LMNTD1: variants seen among roughly 807,000 people sequenced by gnomAD.
LMNTD1 encodes the protein lamin tail domain-containing protein 1.
In LMNTD1, 35 loss-of-function variants were observed where a neutral mutation model predicts 50.9. That is an observed-to-expected ratio of 0.69 (90% confidence interval 0.53 to 0.91). The LOEUF (loss-of-function observed/expected upper bound fraction) is 0.91. Among genes scored for constraint, LMNTD1 ranks in the 40% least tolerant of loss-of-function variants. The pLI is 0.00. For synonymous variants in LMNTD1, 153 were observed against 161.9 expected, an observed-to-expected ratio of 0.94 and a Z score of 0.42; for missense variants, 470 against 475.5, an observed-to-expected ratio of 0.99 and a Z score of 0.11.
At chr12:25,595,481 T>C (rs1945823453) in intron 1 of LMNTD1, among the ~76,000 whole-genome samples, 1 of 152,102 alleles carries the variant, frequency 6.6e-6, no homozygotes, top group Non-Finnish European at 1.5e-5. Context: ...TTAATGATCA[T>C]TGGGTCAAAA....
chr12:25,597,161 C>A (rs1156521839), intron 1 of LMNTD1, among the ~76,000 whole-genome samples: 11 of 151,766 alleles, frequency 7.2e-5, no homozygotes, highest in East Asian at 3.9e-4. Flanking sequence ...CACAAAAAAA[C>A]CCCACATAAA....
chr12:25,531,543 G>A (rs1942224452), intron 4 of LMNTD1, among the ~76,000 whole-genome samples: 1 of 152,068 alleles, frequency 6.6e-6, no homozygotes, highest in Non-Finnish European at 1.5e-5. Flanking sequence ...CTGACTTTAA[G>A]ACTTTTTTTG....
intron 8 of LMNTD1, among the ~76,000 whole-genome samples, chr12:25,507,497 C>T (rs74991503): frequency 1.3e-3 from 196 of 152,312 alleles, no homozygotes; most frequent in Non-Finnish European, 2.1e-3. Context: ...GTATTTCTCT[C>T]TCATTTAACA....
chr12:25,608,011 G>T (rs1433782706), intron 1 of LMNTD1, among the ~76,000 whole-genome samples: 3 of 152,002 alleles, frequency 2.0e-5, no homozygotes, highest in Non-Finnish European at 4.4e-5. Flanking sequence ...TATGAATCTG[G>T]GTGCTCCTGT....
At chr12:25,502,589 C>T (rs1024731953) in intron 9 of LMNTD1, among the ~76,000 whole-genome samples, 1 of 152,190 alleles carries the variant, frequency 6.6e-6, no homozygotes, top group Non-Finnish European at 1.5e-5. Flanking sequence ...GGTAAATAAC[C>T]TCTTCAGACT....
chr12:25,484,477 A>G (rs948001091), intron 9 of LMNTD1, among the ~76,000 whole-genome samples: 12 of 151,926 alleles, frequency 7.9e-5, no homozygotes, highest in Non-Finnish European at 1.2e-4. Context: ...ATTATGAGAG[A>G]ATTGACCCAA....
chr12:25,611,859 G>T (rs948291945), intron 1 of LMNTD1, among the ~76,000 whole-genome samples: 16 of 152,166 alleles, frequency 1.1e-4, no homozygotes, highest in Admixed American at 7.2e-4. Flanking sequence ...TGATTTAAAT[G>T]GTTCTTTATA....
intron 6 of LMNTD1, 28 bp downstream of exon 6, chr12:25,526,071 A>AC: frequency 6.5e-7 from 1 of 1,536,970 alleles, no homozygotes; most frequent in East Asian, 2.3e-5. Context: ...TAAAAAAAAA[A>AC]AACGATTGTT....
In LMNTD1 at chr12:25,577,655, C is replaced by A. The variant is rs190090605; in HGVS notation, c.59-31101G>T. On this transcript the variant is annotated intron_variant, in intron 1 of 7. Coordinates refer to the LMNTD1 transcript ENST00000445693. ...CAGGGACAATTTGACTTCCTCTTTT[C>A]CTAATTGAATACACTTTATTTCTTT... is the stretch of plus-strand genomic sequence containing the variant. 1.8e-4 allele frequency among the ~76,000 whole-genome samples: 28 copies of A among 152,260 alleles called. 1 individual carries two copies. Among genetic ancestry groups the A allele is most frequent in the Admixed American group, 1.8e-3 (27 of 15,288 alleles).
Position 25,503,835 on chromosome 12 carries a change from G to A in LMNTD1, c.1190-35C>T, listed in dbSNP as rs368680785. On this transcript the variant is annotated intron_variant, in intron 8 of 9. Coordinates refer to ENST00000458174, the MANE Select transcript of LMNTD1 (RefSeq NM_001145728.2). The stretch of plus-strand genomic sequence containing the variant: ...AAAAAAAATAATTAAAAAAAGGAGA[G>A]AGGCTAGGTAGGGAAGGGCAAGAGT... The A allele has an allele frequency of 2.2e-5, 29 of 1,305,804 alleles. No homozygotes were observed. In the African/African-American group the frequency reaches 4.0e-4, roughly 18 times the overall value. The allele number at this position is 1,305,804 out of a possible 1,614,324, so 80.9% of individuals were successfully genotyped here. A position where few individuals can be genotyped will look rare whatever the true frequency, so the allele number is the denominator to read the frequency against.
At chr12:25,513,819 ACAAAT>A (rs1259566022) in intron 8 of LMNTD1, among the ~76,000 whole-genome samples, 6 of 152,248 alleles carry the variant, frequency 3.9e-5, no homozygotes, top group African/African-American at 1.4e-4. Context: ...AACAATAATA[ACAAAT>A]CAATACACCT....
chr12:25,495,466 G>C (rs1939029849), intron 9 of LMNTD1, among the ~76,000 whole-genome samples: 1 of 152,014 alleles, frequency 6.6e-6, no homozygotes, highest in African/African-American at 2.4e-5. Flanking sequence ...ATTCCTGCAA[G>C]ATATTTATAA....
intron 1 of LMNTD1, among the ~76,000 whole-genome samples, chr12:25,568,155 A>G (rs1053751774): frequency 6.6e-6 from 1 of 152,220 alleles, no homozygotes; most frequent in African/African-American, 2.4e-5. Flanking sequence ...AACTGGAGCA[A>G]AGGTCACCTT....
rs1240748446 is a variant in LMNTD1, at chr12:25,485,356, GT to G, written c.*23-8897del. Among the ~76,000 whole-genome samples, 284 of 134,290 alleles carry G rather than the reference GT, an allele frequency of 2.1e-3. 4 individuals carry two copies. The highest frequency in any genetic ancestry group is 0.02 in the Admixed American group (260 of 12,910). The allele number at this position is 134,290 out of a possible 152,430, so 88.1% of individuals were successfully genotyped here. The stretch of plus-strand genomic sequence containing the variant: ...CACCCACTTTTTGATGGGGTTGTTT[GT>G]TTTTTTCTTGTAAATTTGTTTGAGT... On this transcript the variant is annotated intron_variant, in intron 9 of 9. Coordinates refer to ENST00000458174, the MANE Select transcript of LMNTD1 (RefSeq NM_001145728.2).
At chr12:25,542,155 T>A (rs1943125809) in intron 4 of LMNTD1, among the ~76,000 whole-genome samples, 1 of 151,804 alleles carries the variant, frequency 6.6e-6, no homozygotes, top group Admixed American at 6.6e-5. Flanking sequence ...ATTGTGGAAG[T>A]CAGTGTGGCG....
At chr12:25,570,981 G>A (rs1188013790) in intron 1 of LMNTD1, among the ~76,000 whole-genome samples, 1 of 152,162 alleles carries the variant, frequency 6.6e-6, no homozygotes, top group African/African-American at 2.4e-5. Context: ...ATGTTTAAAA[G>A]TACACCCAGG....
At chr12:25,587,473 G>C (rs12424684) in intron 1 of LMNTD1, among the ~76,000 whole-genome samples, 1 of 152,094 alleles carries the variant, frequency 6.6e-6, no homozygotes, top group Non-Finnish European at 1.5e-5. Context: ...AGGTGGGAGG[G>C]TGCTACACAC....
intron 1 of LMNTD1, among the ~76,000 whole-genome samples, chr12:25,598,706 G>C (rs571710099): frequency 1.4e-4 from 21 of 151,644 alleles, no homozygotes; most frequent in African/African-American, 4.8e-4. Flanking sequence ...AAAATCATGA[G>C]TAACTACTAT....
At chr12:25,612,993 G>T (rs1946280643) in intron 1 of LMNTD1, among the ~76,000 whole-genome samples, 1 of 152,144 alleles carries the variant, frequency 6.6e-6, no homozygotes, top group African/African-American at 2.4e-5. Flanking sequence ...GATGGCAGCA[G>T]CAGGAGAAAG....
Sources: allele counts gnomAD v4.1 joint callset (sites outside exome capture counted in the v4.1 genomes callset), GRCh38; gene constraint gnomAD v4.1.1; transcripts MANE v1.5; gene names NCBI Gene and HGNC (gene_info 2026-07-23, HGNC 2026-07-21).